Variants in THRAP3 observed in about 807,000 individuals in gnomAD.
The protein encoded by THRAP3 is thyroid hormone receptor associated protein 3.
A neutral mutation model predicts 101.0 loss-of-function variants in THRAP3; 16 were observed. The observed-to-expected ratio is 0.16, with a 90% CI of 0.11 to 0.24. The LOEUF (loss-of-function observed/expected upper bound fraction) is 0.24. Ranked by LOEUF, THRAP3 falls within the 10% of genes least tolerant of loss-of-function variation. The pLI is 1.00. For synonymous variants in THRAP3, 407 were observed against 422.6 expected, an observed-to-expected ratio of 0.96 and a Z score of 0.45; for missense variants, 989 against 1,202.7, an observed-to-expected ratio of 0.82 and a Z score of 2.63.
chr1:36,242,295 G>A (rs1645170395), intron 1 of THRAP3: 1 of 152,504 alleles, frequency 6.6e-6, no homozygotes, highest in East Asian at 1.9e-4. Flanking sequence ...GGGACCACAG[G>A]TGTGCGCCAT....
chr1:36,235,168 G>T (rs1645071348), intron 1 of THRAP3, among the ~76,000 whole-genome samples: 1 of 152,094 alleles, frequency 6.6e-6, no homozygotes, highest in Admixed American at 6.6e-5. Context: ...GGGGGTTATT[G>T]TGATGGTTAG....
At chr1:36,241,057 A>C (rs915968465) in intron 1 of THRAP3, among the ~76,000 whole-genome samples, 1 of 151,896 alleles carries the variant, frequency 6.6e-6, no homozygotes, top group South Asian at 2.1e-4. Flanking sequence ...ATACAAAAAA[A>C]TTATCCGGGC....
At chr1:36,222,407 T>C (rs1196295630), upstream of THRAP3, among the ~76,000 whole-genome samples, 1 of 151,938 alleles carries the variant, frequency 6.6e-6, no homozygotes, top group East Asian at 1.9e-4. Flanking sequence ...TATTTCTTTT[T>C]TTCTTTTCTT....
At chr1:36,220,976 T>A (rs544317147), upstream of THRAP3, among the ~76,000 whole-genome samples, 6,686 of 103,182 alleles carry the variant, frequency 0.065, 300 homozygotes, top group African/African-American at 0.12. Flanking sequence ...AAAAAAAATA[T>A]ATATATATAT....
Position 36,268,094 on chromosome 1 carries a change from C to T in THRAP3, c.-32+8610C>T, listed in dbSNP as rs199909612. On this transcript the variant is annotated intron_variant, in intron 2 of 11. Coordinates refer to ENST00000354618, the MANE Select transcript of THRAP3 (RefSeq NM_005119.4). ...ACTCGGGAGGCTGAGGCAGGAGAATCACTTGAACCCAAGAGGTGAAGATTG... is the reference window on the plus strand; with the variant it reads ...ACTCGGGAGGCTGAGGCAGGAGAATTACTTGAACCCAAGAGGTGAAGATTG... Among the ~76,000 whole-genome samples, 6 of 151,966 alleles carry T rather than the reference C, an allele frequency of 3.9e-5. No individual in the cohort carries two copies. In the East Asian group the frequency reaches 5.8e-4, roughly 15 times the overall value.
chr1:36,287,596 T>C, intron 4 of THRAP3: 1 of 985,460 alleles, frequency 1.0e-6, no homozygotes, highest in Non-Finnish European at 1.2e-6. Context: ...AAAAAAAGTA[T>C]GGTCTTTGCC....
Position 36,304,710 on chromosome 1 carries a change from C to T in THRAP3, c.*693C>T, listed in dbSNP as rs1646077704. The T allele has an allele frequency of 4.6e-6, 1 of 216,432 alleles. No homozygotes were observed. The highest frequency in any genetic ancestry group is 9.3e-6 in the Non-Finnish European group (1 of 107,064). The allele number at this position is 216,432 out of a possible 1,614,324, so 13.4% of individuals were successfully genotyped here. On this transcript the variant is annotated 3_prime_UTR_variant, in exon 12 of 12. Coordinates refer to ENST00000354618, the MANE Select transcript of THRAP3 (RefSeq NM_005119.4). ...TGGAGTTGCTCCTTACCACACCTCA[C>T]GTGCCCCTGAGCCCTATTTCCTGAT...
rs1174407793 is a variant in THRAP3, at chr1:36,303,933, T to C, written c.2784T>C (p.Ser928=). Residue 928 remains serine, a synonymous_variant, in exon 12 of 12, where the codon AGT becomes AGC. Transcript: ENST00000354618. ...TSPKWAHDKF[S]GEEGEIEDDE... ...CCAAGTGGGCCCATGACAAGTTCAG[T>C]GGGGAGGAAGGGGAGATTGAAGACG... The C allele has an allele frequency of 1.2e-6, 2 of 1,611,760 alleles. No homozygotes were observed. The highest frequency in any genetic ancestry group is 1.7e-6 in the Non-Finnish European group (2 of 1,179,326).
chr1:36,298,581 A>G (rs1327893462), intron 9 of THRAP3, among the ~76,000 whole-genome samples: 2 of 151,566 alleles, frequency 1.3e-5, no homozygotes, highest in African/African-American at 4.9e-5. Context: ...GCATCCTTGA[A>G]CTCCTGGGTT....
chr1:36,294,134 G>C, intron 8 of THRAP3, 199 bp downstream of exon 8: 1 of 1,353,500 alleles, frequency 7.4e-7, no homozygotes, highest in Admixed American at 3.2e-5. Context: ...TTAGAATATG[G>C]TAAATGACCC....
the THRAP3 span, among the ~76,000 whole-genome samples, chr1:36,213,959 G>GC: frequency 1.9e-5 from 2 of 107,518 alleles, no homozygotes; most frequent in African/African-American, 8.5e-5. Context: ...AAGAAAGAAA[G>GC]AAGGAAAGAG....
chr1:36,214,062 GAAA>G, the THRAP3 span, among the ~76,000 whole-genome samples: 26 of 135,312 alleles, frequency 1.9e-4, no homozygotes, highest in Non-Finnish European at 3.8e-4. Context: ...AAGAAAGAAA[GAAA>G]GACAACTCCT....
chr1:36,304,065 A>G lies in THRAP3; in HGVS notation c.*48A>G. On this transcript the variant is annotated 3_prime_UTR_variant, in exon 12 of 12. Transcript: ENST00000354618. ...TGCCCAGGGGAGAGAGGCGCTGGGA[A>G]GATGGCTGGTGAGGAGCTTAACAGA... 1 of 1,457,080 alleles carries G rather than the reference A, an allele frequency of 6.9e-7. No individual in the cohort carries two copies. Among genetic ancestry groups the G allele is most frequent in the Non-Finnish European group, 9.1e-7 (1 of 1,103,368 alleles). 90.3% of individuals were successfully genotyped at this position (1,457,080 alleles called of 1,614,324 possible).
At chr1:36,226,346 G>T (rs1439926254) in intron 1 of THRAP3, among the ~76,000 whole-genome samples, 1 of 152,068 alleles carries the variant, frequency 6.6e-6, no homozygotes, top group Non-Finnish European at 1.5e-5. Flanking sequence ...TGCAACCTCC[G>T]CCTCCTGGGT....
chr1:36,245,417 C>T (rs1041014580), intron 1 of THRAP3, among the ~76,000 whole-genome samples: 3 of 152,158 alleles, frequency 2.0e-5, no homozygotes, highest in Non-Finnish European at 4.4e-5. Flanking sequence ...GATCTCCCCA[C>T]CTCAGCCTCC....
chr1:36,215,040 T>C, the THRAP3 span, among the ~76,000 whole-genome samples: 1 of 148,770 alleles, frequency 6.7e-6, no homozygotes, highest in African/African-American at 2.5e-5. Flanking sequence ...GCTAACACGA[T>C]GAAACCCCGT....
upstream of THRAP3, among the ~76,000 whole-genome samples, chr1:36,220,277 G>A (rs1457153770): frequency 6.6e-6 from 1 of 152,188 alleles, no homozygotes; most frequent in Non-Finnish European, 1.5e-5. Context: ...ACAGGTGTGA[G>A]CCACTGTGCC....
Position 36,304,049 on chromosome 1 carries a change from G to T in THRAP3, c.*32G>T. 1 of 1,472,426 alleles carries T rather than the reference G, an allele frequency of 6.8e-7. No homozygotes were observed. Among genetic ancestry groups the T allele is most frequent in the South Asian group, 1.4e-5 (1 of 71,004 alleles). 91.2% of individuals were successfully genotyped at this position (1,472,426 alleles called of 1,614,324 possible). On this transcript the variant is annotated 3_prime_UTR_variant, in exon 12 of 12. Transcript: ENST00000354618. Reference sequence around the variant, plus strand: ...CCCTTGACGGGATTCCTGCCCAGGGGAGAGAGGCGCTGGGAAGATGGCTGG... The same window carrying T: ...CCCTTGACGGGATTCCTGCCCAGGGTAGAGAGGCGCTGGGAAGATGGCTGG...
intron 2 of THRAP3, among the ~76,000 whole-genome samples, chr1:36,278,205 A>G (rs1463468589): frequency 6.6e-6 from 1 of 151,548 alleles, no homozygotes; most frequent in East Asian, 1.9e-4. Context: ...AGCTGGGATT[A>G]CAGGTGCCTG....
Sources: gnomAD v4.1 joint callset for allele counts (sites outside exome capture counted in the v4.1 genomes callset) on GRCh38, gnomAD v4.1.1 for gene constraint, MANE v1.5 for transcripts, NCBI Gene and HGNC (gene_info 2026-07-23, HGNC 2026-07-21) for gene names.